TCEA1: variants seen among roughly 807,000 people sequenced by gnomAD.
The protein encoded by TCEA1 is transcription elongation factor A1, also known as transcription elongation factor A protein 1.
In TCEA1, 21 loss-of-function variants were observed where a neutral mutation model predicts 43.8. The observed-to-expected ratio is 0.48, with a 90% CI of 0.34 to 0.69. TCEA1 has a LOEUF of 0.69. TCEA1 is among the 30% of genes least tolerant of loss of function. The pLI, the probability that TCEA1 is intolerant of heterozygous loss-of-function variation, is 0.01. For missense variants in TCEA1, 250 were observed against 365.1 expected (o/e 0.68, Z 2.57); for synonymous variants, 104 against 117.5 (o/e 0.88, Z 0.75).
At chr8:54,007,660 C>A (rs2129311545) in intron 2 of TCEA1, among the ~76,000 whole-genome samples, 1 of 152,246 alleles carries the variant, frequency 6.6e-6, no homozygotes, top group South Asian at 2.1e-4. Flanking sequence ...AAGAAATATT[C>A]AATTTCAGTT....
intron 4 of TCEA1, among the ~76,000 whole-genome samples, chr8:53,990,225 A>G (rs1586008688): frequency 6.6e-6 from 1 of 150,708 alleles, no homozygotes; most frequent in East Asian, 1.9e-4. Flanking sequence ...CCAACAAACA[A>G]ACCTTTTTTT....
At chr8:54,003,061 T>C (rs543624815) in intron 2 of TCEA1, 11 of 456,268 alleles carry the variant, frequency 2.4e-5, no homozygotes, top group African/African-American at 2.0e-4. Flanking sequence ...TCATGAGTTT[T>C]TGCCAAGATG....
chr8:53,998,079 G>C (rs901825222), intron 3 of TCEA1, among the ~76,000 whole-genome samples: 1 of 152,094 alleles, frequency 6.6e-6, no homozygotes, highest in African/African-American at 2.4e-5. Flanking sequence ...AGCCCATTAT[G>C]AATTTGATAA....
chr8:53,968,180 C>G lies in TCEA1; in HGVS notation c.898-68G>C, dbSNP rs191021696. ...AATAAGGTACATTCCCCATTTAATA[C>G]AGCATACACCTGATATTGCTTTTAA... On this transcript the variant is annotated intron_variant, in intron 9 of 9. Coordinates refer to ENST00000521604, the MANE Select transcript of TCEA1 (RefSeq NM_006756.4). 573 of 1,175,054 alleles carry G rather than the reference C, an allele frequency of 4.9e-4. No homozygotes were observed. The African/African-American group carries it at 7.9e-3, about 16-fold the overall frequency. 72.8% of individuals were successfully genotyped at this position (1,175,054 alleles called of 1,614,324 possible).
chr8:53,989,882 G>C (rs183294056), intron 4 of TCEA1, among the ~76,000 whole-genome samples: 1 of 152,060 alleles, frequency 6.6e-6, no homozygotes, highest in Non-Finnish European at 1.5e-5. Flanking sequence ...CAATCCTCCT[G>C]CCTCAGCCTC....
chr8:54,004,728 C>T (rs1236287642), intron 2 of TCEA1, among the ~76,000 whole-genome samples: 3 of 151,446 alleles, frequency 2.0e-5, no homozygotes, highest in African/African-American at 7.3e-5. Context: ...ATGAATCATA[C>T]ACTTTAAATG....
intron 4 of TCEA1, among the ~76,000 whole-genome samples, chr8:53,990,080 T>G (rs1287777766): frequency 6.6e-6 from 1 of 152,012 alleles, no homozygotes; most frequent in Non-Finnish European, 1.5e-5. Flanking sequence ...GCACCTGTGG[T>G]CCTAGCTACT....
At chr8:53,993,286 A>G (rs983246169) in intron 4 of TCEA1, 1 of 154,452 alleles carries the variant, frequency 6.5e-6, no homozygotes, top group African/African-American at 2.4e-5. Context: ...GGAAGAAAAA[A>G]AGCATGCAAA....
intron 2 of TCEA1, among the ~76,000 whole-genome samples, chr8:54,007,998 A>G (rs1400260854): frequency 1.3e-5 from 2 of 151,984 alleles, no homozygotes; most frequent in Admixed American, 1.3e-4. Context: ...CCTGGCCAAC[A>G]TGGTGAAACC....
At chr8:54,018,230 C>T (rs1198375854) in intron 1 of TCEA1, among the ~76,000 whole-genome samples, 1 of 152,062 alleles carries the variant, frequency 6.6e-6, no homozygotes, top group Non-Finnish European at 1.5e-5. Flanking sequence ...AATTTCTCTC[C>T]CTGCAATTTA....
chr8:54,022,026 G>C, intron 1 of TCEA1, 37 bp downstream of exon 1: 1 of 1,554,614 alleles, frequency 6.4e-7, no homozygotes, highest in Non-Finnish European at 8.7e-7. Context: ...ACCGCGGCCC[G>C]GCCTCCCTCC....
rs1805074749 is a variant in TCEA1 at position 54,022,279 on chromosome 8, G to A, written c.-154C>T. ...CCCCTTCCTTACGAACGAAGCCCGC[G>A]GCGGCGGCGGCGGCGGCGGCGGCTC... is the stretch of plus-strand genomic sequence containing the variant. On this transcript the variant is annotated 5_prime_UTR_variant, in exon 1 of 10. Coordinates refer to ENST00000521604, the MANE Select transcript of TCEA1 (RefSeq NM_006756.4). 2 of 631,122 alleles carry A rather than the reference G, an allele frequency of 3.2e-6. No homozygotes were observed. Among genetic ancestry groups the A allele is most frequent in the Non-Finnish European group, 5.3e-6 (2 of 376,934 alleles). 39.1% of individuals were successfully genotyped at this position (631,122 alleles called of 1,614,324 possible). A position where few individuals can be genotyped will look rare whatever the true frequency, so the allele number is the denominator to read the frequency against.
At chr8:54,004,482 T>A (rs1160537325) in intron 2 of TCEA1, among the ~76,000 whole-genome samples, 1 of 152,164 alleles carries the variant, frequency 6.6e-6, no homozygotes, top group Non-Finnish European at 1.5e-5. Flanking sequence ...GCAACATGGA[T>A]GAATCCTGAA....
At chr8:53,990,360 CTTTTTTT>C (rs869104595) in intron 4 of TCEA1, among the ~76,000 whole-genome samples, 5 of 136,896 alleles carry the variant, frequency 3.7e-5, no homozygotes, top group Non-Finnish European at 6.5e-5. Context: ...CATTTCTTTT[CTTTTTTT>C]TTTTTTTTTT....
At position 54,022,289 on chromosome 8, in the gene TCEA1, G is replaced by A. The variant is rs1441540634; in HGVS notation, c.-164C>T. 10 of 808,020 alleles carry A rather than the reference G, an allele frequency of 1.2e-5. No homozygotes were observed. The highest frequency in any genetic ancestry group is 1.8e-5 in the Non-Finnish European group (9 of 506,482). 50.1% of individuals were successfully genotyped at this position (808,020 alleles called of 1,614,324 possible). A position where few individuals can be genotyped will look rare whatever the true frequency, so the allele number is the denominator to read the frequency against. ...ACGAACGAAGCCCGCGGCGGCGGCG[G>A]CGGCGGCGGCGGCTCCGGCTCCTCC... On this transcript the variant is annotated 5_prime_UTR_variant, in exon 1 of 10. Coordinates refer to ENST00000521604, the MANE Select transcript of TCEA1 (RefSeq NM_006756.4).
intron 5 of TCEA1, among the ~76,000 whole-genome samples, chr8:53,987,704 C>A (rs538911966): frequency 1.3e-5 from 2 of 152,150 alleles, no homozygotes; most frequent in Non-Finnish European, 2.9e-5. Flanking sequence ...ACTCACCCTC[C>A]CTTTTTCTAA....
intron 8 of TCEA1, among the ~76,000 whole-genome samples, chr8:53,975,474 A>C (rs1331979533): frequency 6.6e-6 from 1 of 152,238 alleles, no homozygotes; most frequent in Admixed American, 6.5e-5. Context: ...ACAATAGCTA[A>C]AAAGTAGAAG....
intron 1 of TCEA1, among the ~76,000 whole-genome samples, chr8:54,019,780 C>CT (rs1804964684): frequency 6.6e-6 from 1 of 152,086 alleles, no homozygotes; most frequent in Admixed American, 6.6e-5. Flanking sequence ...GACCATTTCT[C>CT]TTTCTCTGTA....
chr8:53,988,124 A>G lies in TCEA1; in HGVS notation c.456T>C (p.Leu152=), dbSNP rs1183855667. The G allele has an allele frequency of 1.2e-6, 2 of 1,611,268 alleles. No individual in the cohort carries two copies. Among genetic ancestry groups the G allele is most frequent in the Non-Finnish European group, 1.7e-6 (2 of 1,179,466 alleles). The part of the protein sequence containing the change: ...LKCREMLAAA[L]RTGDDYIAIG... ...ATGCACTGGACTTACCCCCTGTTCG[A>G]AGAGCTGCAGCAAGCATCTCCCTAC... Residue 152 remains leucine (L), a synonymous_variant, in exon 5 of 10, where the codon CTT becomes CTC. Transcript: ENST00000521604.
Sources: gnomAD v4.1 joint callset for allele counts (sites outside exome capture counted in the v4.1 genomes callset) on GRCh38, gnomAD v4.1.1 for gene constraint, MANE v1.5 for transcripts, NCBI Gene and HGNC (gene_info 2026-07-23, HGNC 2026-07-21) for gene names.